PHF19: variants seen among roughly 807,000 people sequenced by gnomAD.
The protein encoded by PHF19 is PHD finger protein 19, also known as polycomb like 3.
PHF19 carries 21 observed loss-of-function variants against 79.8 expected under a neutral mutation model. That is an observed-to-expected ratio of 0.26 (90% CI 0.19 to 0.38). The LOEUF is 0.38. Among genes scored for constraint, PHF19 ranks in the 10% least tolerant of loss-of-function variants. The probability of loss-of-function intolerance (pLI) is 1.00; values close to 1 mark genes in which losing one functional copy is unlikely to be tolerated. For synonymous variants in PHF19, 273 were observed against 296.3 expected, an observed-to-expected ratio of 0.92 and a Z score of 0.81; for missense variants, 445 against 744.2, an observed-to-expected ratio of 0.60 and a Z score of 4.68.
chr9:120,879,099 T>A (rs1222666043), upstream of PHF19, among the ~76,000 whole-genome samples: 2 of 152,226 alleles, frequency 1.3e-5, no homozygotes, highest in East Asian at 3.8e-4. Context: ...CCAGAGACTT[T>A]AAGTCTTAAG....
At chr9:120,895,754 G>A (rs2046396128), upstream of PHF19, among the ~76,000 whole-genome samples, 1 of 152,136 alleles carries the variant, frequency 6.6e-6, no homozygotes, top group Non-Finnish European at 1.5e-5. Flanking sequence ...CTGGGCTCAA[G>A]TGATTCTCCT....
chr9:120,874,731 C>G lies in PHF19; in HGVS notation c.11G>C (p.Arg4Pro). The change falls in exon 2 of 15, where the codon CGA (arginine) becomes CCA (proline). Residue 4 changes from arginine to proline, a missense_variant. Coordinates refer to ENST00000373896, the MANE Select transcript of PHF19 (RefSeq NM_015651.3). This position sits in a 1 kb window ranked among gnomAD's most constrained non-coding sequence, Gnocchi z 4.5. ...GTCCCGAGTCCCTGGATCCAGAGCT[C>G]GATTCTCCATCAGCTTCCCCTGACA... The part of the protein sequence containing the change: MEN[R>P]ALDPGTRDSY... 1 of 1,612,698 alleles carries G rather than the reference C, an allele frequency of 6.2e-7. No individual in the cohort carries two copies. The highest frequency in any genetic ancestry group is 1.1e-5 in the South Asian group (1 of 91,026).
upstream of PHF19, among the ~76,000 whole-genome samples, chr9:120,899,490 C>T (rs555480032): frequency 1.6e-4 from 24 of 148,252 alleles, no homozygotes; most frequent in East Asian, 2.2e-3. Flanking sequence ...AGCAAGACTC[C>T]GTCTCAAAAA....
At chr9:120,899,156 A>ACG (rs1285278234), upstream of PHF19, among the ~76,000 whole-genome samples, 1 of 146,942 alleles carries the variant, frequency 6.8e-6, no homozygotes, top group Non-Finnish European at 1.5e-5. Flanking sequence ...CCAAGATTGG[A>ACG]CCACTGCACT....
At chr9:120,864,880 T>G (rs182973223) in intron 9 of PHF19, among the ~76,000 whole-genome samples, 1 of 152,228 alleles carries the variant, frequency 6.6e-6, no homozygotes, top group East Asian at 1.9e-4. Flanking sequence ...TGGCGTGATA[T>G]GGATTTTTTA....
upstream of PHF19, among the ~76,000 whole-genome samples, chr9:120,878,718 C>A (rs1025791449): frequency 6.6e-6 from 1 of 152,312 alleles, no homozygotes; most frequent in Admixed American, 6.5e-5. Context: ...TGGATCCTGG[C>A]GCCTCAGCAG....
At position 120,860,177 on chromosome 9, in the gene PHF19, G is replaced by A. The variant is rs746489360; in HGVS notation, c.1313C>T (p.Ser438Leu). ...DEIQSLKSAS[S>L]GQTFFSDVDS... ...GACATCTGAGAAGAAGGTCTGGCCT[G>A]AGCTGGCACTGAGAGGGGCAAGACC... The change falls in exon 14 of 15, where the codon TCA (serine) becomes TTA (leucine). Residue 438 changes from serine (S) to leucine (L), a missense_variant. Coordinates refer to ENST00000373896, the MANE Select transcript of PHF19 (RefSeq NM_015651.3). The surrounding 1 kb of genome is among the most constrained non-coding windows in gnomAD (Gnocchi z 4.1). 6.3e-7 allele frequency: 1 copy of A among 1,583,776 alleles called. No individual in the cohort carries two copies. The highest frequency in any genetic ancestry group is 1.1e-5 in the South Asian group (1 of 87,166).
At chr9:120,893,773 C>T (rs2046370760) in intron 1 of PHF19, among the ~76,000 whole-genome samples, 1 of 152,202 alleles carries the variant, frequency 6.6e-6, no homozygotes, top group East Asian at 1.9e-4. Flanking sequence ...CTCTCTAATA[C>T]TGTTACGAGG....
chr9:120,866,853 A>C lies in PHF19; in HGVS notation c.710+17T>G. 1 of 1,508,234 alleles carries C rather than the reference A, an allele frequency of 6.6e-7. No homozygotes were observed. Among genetic ancestry groups the C allele is most frequent in the Non-Finnish European group, 9.2e-7 (1 of 1,083,900 alleles). 93.4% of individuals were successfully genotyped at this position (1,508,234 alleles called of 1,614,324 possible). ...CCCACCACGCCCAAGGCCCACTTGGACCAAATTAGCACCTACCGGTCTCCA... is the reference window on the plus strand; with the variant it reads ...CCCACCACGCCCAAGGCCCACTTGGCCCAAATTAGCACCTACCGGTCTCCA... On this transcript the variant is annotated intron_variant, in intron 7 of 14. Transcript: ENST00000373896. This position sits in a 1 kb window ranked among gnomAD's most constrained non-coding sequence, Gnocchi z 5.2.
At chr9:120,872,037 CAAAAAAAAA>C (rs1170243737) in intron 3 of PHF19, among the ~76,000 whole-genome samples, 21 of 30,320 alleles carry the variant, frequency 6.9e-4, no homozygotes, top group East Asian at 3.4e-3. Flanking sequence ...GACTCTGTCT[CAAAAAAAAA>C]AAAAAAAAAA....
Position 120,860,377 on chromosome 9 carries a change from C to T in PHF19, c.1305-192G>A. ...TCAAAGTCCAAGAAGTCAAAAAAAC[C>T]TCCTGGAGCACCCTCCCCTGGCGGT... On this transcript the variant is annotated intron_variant, in intron 13 of 14. Coordinates refer to ENST00000373896, the MANE Select transcript of PHF19 (RefSeq NM_015651.3). The surrounding 1 kb of genome is among the most constrained non-coding windows in gnomAD (Gnocchi z 4.1). 1.8e-6 allele frequency: 1 copy of T among 568,568 alleles called. No individual in the cohort carries two copies. Among genetic ancestry groups the T allele is most frequent in the Non-Finnish European group, 3.2e-6 (1 of 315,818 alleles). The allele number at this position is 568,568 out of a possible 1,614,324, so 35.2% of individuals were successfully genotyped here.
intron 12 of PHF19, 24 bp downstream of exon 12, chr9:120,861,894 A>G: frequency 2.0e-6 from 3 of 1,512,894 alleles, no homozygotes; most frequent in Non-Finnish European, 2.8e-6. Context: ...ATGAAAATGG[A>G]GAGTAAGAAA....
intron 14 of PHF19, among the ~76,000 whole-genome samples, chr9:120,859,078 C>T (rs1316423202): frequency 6.6e-6 from 1 of 152,042 alleles, no homozygotes; most frequent in Non-Finnish European, 1.5e-5. Flanking sequence ...GAGATCATGC[C>T]ACTGCACTCT....
chr9:120,867,067 AG>A, intron 6 of PHF19, 102 bp from the exon 7 acceptor site: 2 of 703,478 alleles, frequency 2.8e-6, no homozygotes, highest in South Asian at 3.1e-5. Flanking sequence ...ACTGGCAGAA[AG>A]GGAAGAGAAT....
In PHF19 at chr9:120,866,107, G is replaced by T. The variant is rs2045691288; in HGVS notation, c.711-11C>A. The T allele has an allele frequency of 6.2e-7, 1 of 1,610,276 alleles. No individual in the cohort carries two copies. Among genetic ancestry groups the T allele is most frequent in the Non-Finnish European group, 8.5e-7 (1 of 1,176,566 alleles). The stretch of plus-strand genomic sequence containing the variant: ...AAGAACAGGTAAAACCTGTGGGTGG[G>T]TAGAGACGGGGGCCTATGGTGGGAG... On this transcript the variant is annotated splice_polypyrimidine_tract_variant and intron_variant, in intron 7 of 14. Transcript: ENST00000373896. This position sits in a 1 kb window ranked among gnomAD's most constrained non-coding sequence, Gnocchi z 5.2.
chr9:120,876,968 G>T, intron 1 of PHF19, 123 bp downstream of exon 1: 1 of 948,308 alleles, frequency 1.1e-6, no homozygotes, highest in South Asian at 4.9e-5. Context: ...GCCCCGCTCC[G>T]CAGGAGTCTC....
chr9:120,895,865 C>T (rs1180268914), upstream of PHF19, among the ~76,000 whole-genome samples: 3 of 152,186 alleles, frequency 2.0e-5, no homozygotes, highest in Admixed American at 2.0e-4. Context: ...GTTGGCCAGG[C>T]TGGTCTTGAA....
At chr9:120,865,579 T>A in intron 9 of PHF19, 131 bp downstream of exon 9, 1 of 1,170,002 alleles carries the variant, frequency 8.5e-7, no homozygotes, top group Non-Finnish European at 1.2e-6. Flanking sequence ...GGACACAAGA[T>A]CAGAGGCCTG....
At chr9:120,871,716 A>G (rs1212693657) in intron 3 of PHF19, among the ~76,000 whole-genome samples, 1 of 152,180 alleles carries the variant, frequency 6.6e-6, no homozygotes, top group African/African-American at 2.4e-5. Context: ...TTATTTCCCC[A>G]GCATGCTGAA....
Sources: gnomAD v4.1 joint callset for allele counts (sites outside exome capture counted in the v4.1 genomes callset) on GRCh38, gnomAD v4.1.1 for gene constraint, Gnocchi (gnomAD v3.1) non-coding constraint, MANE v1.5 for transcripts, NCBI Gene and HGNC (gene_info 2026-07-23, HGNC 2026-07-21) for gene names.